Variants in STRADB observed in about 807,000 individuals in gnomAD.
The protein encoded by STRADB is STE20 related adaptor beta.
Under a neutral mutation model 52.1 loss-of-function variants are expected in STRADB, and 34 were observed. The observed-to-expected ratio is 0.65, with a 90% CI of 0.50 to 0.87. The LOEUF is 0.87. STRADB is among the 40% of genes least tolerant of loss of function. The pLI is 0.00. For synonymous variants in STRADB, 133 were observed against 174.5 expected (o/e 0.76, Z 1.87); for missense variants, 340 against 483.9 (o/e 0.70, Z 2.79).
At chr2:201,472,659 AATAG>A (rs569350174) in intron 4 of STRADB, among the ~76,000 whole-genome samples, 9 of 152,198 alleles carry the variant, frequency 5.9e-5, no homozygotes, top group Non-Finnish European at 1.0e-4. Context: ...TAGTCATCAT[AATAG>A]ATATGTAATG....
intron 11 of STRADB, 94 bp downstream of exon 11, chr2:201,479,625 A>G (rs1952538242): frequency 8.0e-7 from 1 of 1,244,852 alleles, no homozygotes. Flanking sequence ...TTGGTTACCA[A>G]GGTTCTTACT....
At chr2:201,479,352 C>A in intron 10 of STRADB, 137 bp from the exon 11 acceptor site, 2 of 725,200 alleles carry the variant, frequency 2.8e-6, no homozygotes, top group Non-Finnish European at 2.2e-6. Flanking sequence ...AAGAATTGGG[C>A]TTCTGACATA....
At chr2:201,457,278 C>T (rs1253265762) in intron 2 of STRADB, 1 of 152,050 alleles carries the variant, frequency 6.6e-6, no homozygotes, top group Non-Finnish European at 1.5e-5. Flanking sequence ...AAATACCAAA[C>T]AATATATAAA....
At chr2:201,457,979 G>A (rs1407936836) in intron 2 of STRADB, among the ~76,000 whole-genome samples, 2 of 151,862 alleles carry the variant, frequency 1.3e-5, no homozygotes, top group African/African-American at 4.8e-5. Flanking sequence ...AGCCAAGATT[G>A]CACCACTGCA....
At chr2:201,462,337 A>ATCT (rs1952228612) in intron 3 of STRADB, among the ~76,000 whole-genome samples, 2 of 152,100 alleles carry the variant, frequency 1.3e-5, no homozygotes, top group South Asian at 4.1e-4. Flanking sequence ...AGATAATTGA[A>ATCT]TCTTTTTTTA....
At chr2:201,477,286 G>C (rs938269904) in intron 7 of STRADB, among the ~76,000 whole-genome samples, 3 of 151,678 alleles carry the variant, frequency 2.0e-5, no homozygotes, top group Admixed American at 6.6e-5. Flanking sequence ...GGATGGCCTC[G>C]ATCTCCTGAC....
At chr2:201,466,367 C>T (rs1952305093) in intron 3 of STRADB, among the ~76,000 whole-genome samples, 1 of 152,120 alleles carries the variant, frequency 6.6e-6, no homozygotes, top group Non-Finnish European at 1.5e-5. Flanking sequence ...TAGACTTAGA[C>T]TAAAATCTTC....
rs1261564821 is a variant in STRADB, at chr2:201,478,578, T to C, written c.1047T>C (p.Cys349=). The C allele has an allele frequency of 6.2e-7, 1 of 1,613,896 alleles. No individual in the cohort carries two copies. Among genetic ancestry groups the C allele is most frequent in the Non-Finnish European group, 8.5e-7 (1 of 1,179,986 alleles). Residue 349 remains cysteine (C), a synonymous_variant, in exon 10 of 12, where the codon TGT becomes TGC. Transcript: ENST00000194530. ...SPAFFSLVQL[C]LQQDPEKRPS... Reference sequence around the variant, plus strand: ...CCTTCTTTAGCTTGGTACAGCTCTGTTTGCAACAAGATCCTGAGAAAAGGT... The same window carrying C: ...CCTTCTTTAGCTTGGTACAGCTCTGCTTGCAACAAGATCCTGAGAAAAGGT...
chr2:201,467,583 A>G (rs2125677663), intron 3 of STRADB, among the ~76,000 whole-genome samples: 1 of 152,224 alleles, frequency 6.6e-6, no homozygotes, highest in South Asian at 2.1e-4. Context: ...ACAATTGTTT[A>G]CCCTTCTATA....
rs1221460825 is a variant in STRADB at position 201,480,186 on chromosome 2, T to C, written c.*11T>C. ...TACTGGGAATTCTAGGGCTGCCAAA[T>C]CATTTTATGTCCTATATACTTGACA... On this transcript the variant is annotated 3_prime_UTR_variant, in exon 12 of 12. Transcript: ENST00000194530. 2.5e-6 allele frequency: 4 copies of C among 1,613,466 alleles called. No homozygotes were observed. Among genetic ancestry groups the C allele is most frequent in the East Asian group, 2.2e-5 (1 of 44,838 alleles).
chr2:201,461,985 T>A (rs1952223779), intron 3 of STRADB, among the ~76,000 whole-genome samples: 1 of 152,216 alleles, frequency 6.6e-6, no homozygotes, highest in Non-Finnish European at 1.5e-5. Flanking sequence ...AAAAATGAGT[T>A]CACTGTAGTA....
At chr2:201,478,274 T>C in intron 9 of STRADB, 83 bp downstream of exon 9, 1 of 1,594,108 alleles carries the variant, frequency 6.3e-7, no homozygotes, top group South Asian at 1.1e-5. Context: ...ACATGTTTGC[T>C]ATAGACTCTT....
At chr2:201,458,624 G>A (rs1952164340) in intron 2 of STRADB, among the ~76,000 whole-genome samples, 160 bp from the exon 3 acceptor site, 2 of 152,212 alleles carry the variant, frequency 1.3e-5, no homozygotes, top group Non-Finnish European at 2.9e-5. Context: ...CCCATGCTGA[G>A]TTCCTCATGA....
At chr2:201,479,089 A>G (rs1263764764) in intron 10 of STRADB, 1 of 182,046 alleles carries the variant, frequency 5.5e-6, no homozygotes, top group Non-Finnish European at 1.1e-5. Context: ...AAAAAAAAAA[A>G]TCAGAAGAGT....
At chr2:201,461,084 A>G (rs1952208210) in intron 3 of STRADB, among the ~76,000 whole-genome samples, 1 of 152,148 alleles carries the variant, frequency 6.6e-6, no homozygotes, top group African/African-American at 2.4e-5. Flanking sequence ...GTGAGATGAT[A>G]TTCCCTTGTA....
chr2:201,477,858 T>G (rs1952503797), intron 8 of STRADB, 68 bp downstream of exon 8: 7 of 1,563,610 alleles, frequency 4.5e-6, no homozygotes, highest in Non-Finnish European at 6.1e-6. Context: ...TAAAGTACAG[T>G]TGTGTCTTTA....
intron 10 of STRADB, 64 bp from the exon 11 acceptor site, chr2:201,479,425 T>A (rs1952534376): frequency 6.9e-7 from 1 of 1,457,768 alleles, no homozygotes; most frequent in Non-Finnish European, 9.4e-7. Context: ...TAACATATTT[T>A]TACACCTGAA....
chr2:201,456,096 T>A (rs1481196894), intron 2 of STRADB, among the ~76,000 whole-genome samples: 1 of 152,248 alleles, frequency 6.6e-6, no homozygotes, highest in Non-Finnish European at 1.5e-5. Context: ...AGATAGTATT[T>A]ACAGACCCTT....
Position 201,478,379 on chromosome 2 carries a change from G to T in STRADB, c.848G>T (p.Gly283Val). Residue 283 changes from glycine to valine, a missense_variant, in exon 10 of 12, where the codon GGT becomes GTT. Gly to Val is a moderately radical substitution (Grantham distance 109). Transcript: ENST00000194530. ...RTQMLLQKLK[G>V]PPYSPLDISI... is the part of the protein sequence containing the mutation. ...TAGATGCTGTTACAGAAACTGAAAGGTCCTCCTTATAGCCCATTGGATATC... is the reference window on the plus strand; with the variant it reads ...TAGATGCTGTTACAGAAACTGAAAGTTCCTCCTTATAGCCCATTGGATATC... The T allele has an allele frequency of 6.2e-7, 1 of 1,613,986 alleles. No homozygotes were observed. The highest frequency in any genetic ancestry group is 1.1e-5 in the South Asian group (1 of 91,008).
Sources: allele counts gnomAD v4.1 joint callset (sites outside exome capture counted in the v4.1 genomes callset), GRCh38; gene constraint gnomAD v4.1.1; transcripts MANE v1.5; gene names NCBI Gene and HGNC (gene_info 2026-07-23, HGNC 2026-07-21).